The following CDH4 variants were observed in gnomAD, a reference collection of about 807,000 sequenced individuals.
The protein encoded by CDH4 is cadherin 4, also known as cadherin-4.
CDH4 carries 33 observed loss-of-function variants against 86.0 expected under a neutral mutation model. The ratio of observed to expected loss-of-function variants is 0.38; its 90% CI spans 0.29 to 0.51. The LOEUF (loss-of-function observed/expected upper bound fraction) is 0.51. Ranked by LOEUF, CDH4 falls within the 20% of genes least tolerant of loss-of-function variation. The pLI, the probability that CDH4 is intolerant of heterozygous loss-of-function variation, is 0.86. For synonymous variants in CDH4, 555 were observed against 549.4 expected (o/e 1.01, Z -0.14); for missense variants, 1,114 against 1,307.4 (o/e 0.85, Z 2.28).
intron 4 of CDH4, among the ~76,000 whole-genome samples, chr20:61,835,026 C>T (rs539312408): frequency 5.3e-5 from 8 of 152,276 alleles, no homozygotes; most frequent in African/African-American, 1.4e-4. Flanking sequence ...GTCCAGTGGG[C>T]GAGACAGAAA....
At position 61,349,178 on chromosome 20, in the gene CDH4, C is replaced by T. The variant is rs181876592; in HGVS notation, c.169+94241C>T. Among the ~76,000 whole-genome samples the T allele has an allele frequency of 2.0e-4, 30 of 152,320 alleles. 1 individual carries two copies. The highest frequency in any genetic ancestry group is 1.1e-3 in the Admixed American group (17 of 15,314). On this transcript the variant is annotated intron_variant, in intron 2 of 15. Coordinates refer to ENST00000614565, the MANE Select transcript of CDH4 (RefSeq NM_001794.5). The stretch of plus-strand genomic sequence containing the variant: ...CTTCTCAGGAACCGGCCTGCAGCCC[C>T]GATGGACAGGCTGGGTCATCAGGAA...
At chr20:61,315,043 T>C in intron 2 of CDH4, among the ~76,000 whole-genome samples, 1 of 152,216 alleles carries the variant, frequency 6.6e-6, no homozygotes, top group East Asian at 1.9e-4. Flanking sequence ...ATTTTAAACA[T>C]GACTCAGCCC....
chr20:61,673,971 A>C (rs2087418060), intron 2 of CDH4, among the ~76,000 whole-genome samples: 1 of 152,184 alleles, frequency 6.6e-6, no homozygotes, highest in Non-Finnish European at 1.5e-5. Context: ...TTTCAGTCTT[A>C]ACATATATCT....
rs953855653 is a variant in CDH4, at chr20:61,720,077, G to A, written c.170-23486G>A. Among the ~76,000 whole-genome samples, 8 of 152,256 alleles carry A rather than the reference G, an allele frequency of 5.3e-5. No individual in the cohort carries two copies. In the East Asian group the frequency reaches 5.8e-4, roughly 11 times the overall value. ...AAGGAGGCGGTAGTGGAGGGCAGTC[G>A]GCGGTGGGGGTTGGGGAGTGCCGCC... is the stretch of plus-strand genomic sequence containing the variant. On this transcript the variant is annotated intron_variant, in intron 2 of 15. Transcript: ENST00000614565.
chr20:61,344,312 T>G (rs374479018), intron 2 of CDH4, among the ~76,000 whole-genome samples: 4 of 152,256 alleles, frequency 2.6e-5, no homozygotes, highest in African/African-American at 9.6e-5. Flanking sequence ...GTACATGGAC[T>G]GGGCCCTCAG....
chr20:61,742,192 C>A (rs1222247663), intron 2 of CDH4, among the ~76,000 whole-genome samples: 1 of 152,082 alleles, frequency 6.6e-6, no homozygotes, highest in African/African-American at 2.4e-5. Context: ...CCACAGCAGA[C>A]CCTTGCCTGG....
At chr20:61,253,697 G>A (rs992618398) in intron 1 of CDH4, among the ~76,000 whole-genome samples, 1 of 152,180 alleles carries the variant, frequency 6.6e-6, no homozygotes, top group African/African-American at 2.4e-5. Flanking sequence ...CGTAAGGAAT[G>A]ACCCTGCGTC....
chr20:61,345,833 G>A (rs2084676285), intron 2 of CDH4, among the ~76,000 whole-genome samples: 1 of 152,194 alleles, frequency 6.6e-6, no homozygotes, highest in African/African-American at 2.4e-5. Context: ...CCACTGGCAG[G>A]AAAGACATGG....
In CDH4 at chr20:61,937,011, G is replaced by C. The variant is rs1414369007; in HGVS notation, c.*68G>C. The C allele has an allele frequency of 7.2e-7, 1 of 1,387,982 alleles. No homozygotes were observed. The highest frequency in any genetic ancestry group is 2.5e-5 in the East Asian group (1 of 39,352). The allele number at this position is 1,387,982 out of a possible 1,614,324, so 86.0% of individuals were successfully genotyped here. ...CGCCGGAGGAGCAGGACTGAGCAGA[G>C]GCGGCCGGTCTTCCCGACTCCCTGC... On this transcript the variant is annotated 3_prime_UTR_variant, in exon 16 of 16. Transcript: ENST00000614565.
intron 2 of CDH4, among the ~76,000 whole-genome samples, chr20:61,652,934 A>ATTT (rs1378064808): frequency 7.8e-5 from 8 of 103,016 alleles, no homozygotes; most frequent in African/African-American, 9.8e-5. Context: ...TTATTTATTT[A>ATTT]TTTATTTTTT....
At chr20:61,813,607 C>T (rs563472974) in intron 4 of CDH4, among the ~76,000 whole-genome samples, 33 of 152,164 alleles carry the variant, frequency 2.2e-4, no homozygotes, top group African/African-American at 6.0e-4. Flanking sequence ...AGGGAGGGAG[C>T]GGTCGTTCTG....
intron 2 of CDH4, among the ~76,000 whole-genome samples, chr20:61,536,848 C>T (rs2145649496): frequency 6.6e-6 from 1 of 152,334 alleles, no homozygotes; most frequent in Admixed American, 6.5e-5. Flanking sequence ...CAGCAGAGAG[C>T]TGGCCAGGCC....
intron 2 of CDH4, among the ~76,000 whole-genome samples, chr20:61,413,275 G>A (rs956525997): frequency 9.2e-5 from 14 of 151,486 alleles, no homozygotes; most frequent in Admixed American, 8.6e-4. Flanking sequence ...CTTTCCAGCT[G>A]GTTGTGTTTC....
chr20:61,523,368 C>T (rs549949739), intron 2 of CDH4, among the ~76,000 whole-genome samples: 138 of 152,364 alleles, frequency 9.1e-4, no homozygotes, highest in African/African-American at 2.9e-3. Context: ...GCGTTTGCCA[C>T]GTGTGATGAT....
intron 4 of CDH4, 25 bp from the exon 5 acceptor site, chr20:61,844,643 T>G: frequency 6.3e-7 from 1 of 1,598,142 alleles, no homozygotes; most frequent in Non-Finnish European, 8.6e-7. Flanking sequence ...GGATAACCTC[T>G]TCTCGCTTTG....
At chr20:61,909,970 G>C (rs2054831046) in intron 8 of CDH4, among the ~76,000 whole-genome samples, 1 of 152,252 alleles carries the variant, frequency 6.6e-6, no homozygotes, top group Admixed American at 6.5e-5. Context: ...GTGGCTGCAG[G>C]GCTGACGCAC....
At chr20:61,632,514 G>A (rs2086898567) in intron 2 of CDH4, among the ~76,000 whole-genome samples, 1 of 152,056 alleles carries the variant, frequency 6.6e-6, no homozygotes, top group Admixed American at 6.5e-5. Flanking sequence ...GGAACCTCAA[G>A]GCTGCTGGAG....
rs570500347 is a variant in CDH4 at position 61,868,662 on chromosome 20, C to T, written c.878-5066C>T. Among the ~76,000 whole-genome samples the T allele has an allele frequency of 7.9e-5, 12 of 152,290 alleles. No homozygotes were observed. The South Asian group carries it at 2.3e-3, about 29-fold the overall frequency. ...GCTAAGCGGTGTCCTCCATGCTGGG[C>T]GGATGTCCCCTCCACACTGGCCGGG... On this transcript the variant is annotated intron_variant, in intron 6 of 15. Transcript: ENST00000614565.
chr20:61,766,878 A>C (rs750958209), intron 3 of CDH4, among the ~76,000 whole-genome samples: 1 of 152,118 alleles, frequency 6.6e-6, no homozygotes, highest in Non-Finnish European at 1.5e-5. Context: ...CCAAGTCCCC[A>C]GTGGACTGAT....
Sources: allele counts gnomAD v4.1 joint callset (sites outside exome capture counted in the v4.1 genomes callset), GRCh38; gene constraint gnomAD v4.1.1; transcripts MANE v1.5; gene names NCBI Gene and HGNC (gene_info 2026-07-23, HGNC 2026-07-21).